Variants in TUB observed in about 807,000 individuals in gnomAD.
The protein encoded by TUB is TUB bipartite transcription factor, also known as tubby protein homolog.
TUB carries 33 observed loss-of-function variants against 59.7 expected under a neutral mutation model. The ratio of observed to expected loss-of-function variants is 0.55; its 90% confidence interval spans 0.42 to 0.74. The LOEUF is 0.74. Among genes scored for constraint, TUB ranks in the 30% least tolerant of loss-of-function variants. The pLI is 0.00. For missense variants in TUB, 659 were observed against 672.0 expected, an observed-to-expected ratio of 0.98 and a Z score of 0.21; for synonymous variants, 293 against 256.4, an observed-to-expected ratio of 1.14 and a Z score of -1.36.
At chr11:8,021,957 C>A (rs1341957133) in intron 1 of TUB, among the ~76,000 whole-genome samples, 1 of 151,816 alleles carries the variant, frequency 6.6e-6, no homozygotes, top group African/African-American at 2.4e-5. Flanking sequence ...TGCTTTCAGA[C>A]CCCTACATAA....
upstream of TUB, among the ~76,000 whole-genome samples, chr11:8,034,323 G>A (rs947445395): frequency 1.3e-5 from 2 of 152,202 alleles, no homozygotes; most frequent in African/African-American, 4.8e-5. Context: ...TCTGCTTGAA[G>A]ATTGACAATG....
chr11:8,052,938 T>C (rs1356942283), intron 2 of TUB, among the ~76,000 whole-genome samples: 2 of 152,248 alleles, frequency 1.3e-5, no homozygotes, highest in African/African-American at 4.8e-5. Context: ...CAGTTGGATA[T>C]GCAAATAATG....
intron 2 of TUB, among the ~76,000 whole-genome samples, chr11:8,060,814 A>G (rs916647542): frequency 1.3e-5 from 2 of 152,230 alleles, no homozygotes; most frequent in African/African-American, 2.4e-5. Context: ...ATCCTTGCCA[A>G]CATAGAAGCT....
chr11:8,100,259 C>A (rs565823164), intron 9 of TUB, among the ~76,000 whole-genome samples: 1 of 151,212 alleles, frequency 6.6e-6, no homozygotes, highest in Non-Finnish European at 1.5e-5. Flanking sequence ...AGTAGTTTGC[C>A]GGAGCGAGTG....
At chr11:8,056,367 C>T (rs187971810) in intron 2 of TUB, among the ~76,000 whole-genome samples, 95 of 152,052 alleles carry the variant, frequency 6.2e-4, no homozygotes, top group African/African-American at 2.0e-3. Context: ...AATGCCTGTG[C>T]GTGGGGGTGG....
chr11:8,091,193 A>G (rs895151130), intron 3 of TUB, among the ~76,000 whole-genome samples: 1 of 151,984 alleles, frequency 6.6e-6, no homozygotes, highest in African/African-American at 2.4e-5. Context: ...GCCTCGCAGT[A>G]TTTTAGGTTC....
At chr11:8,062,324 C>T (rs945408832) in intron 2 of TUB, 15 of 152,650 alleles carry the variant, frequency 9.8e-5, no homozygotes, top group Non-Finnish European at 2.1e-4. Context: ...GCAGGAGACC[C>T]TGCCACAGGA....
At chr11:8,073,789 A>G (rs1478664372) in intron 2 of TUB, among the ~76,000 whole-genome samples, 1 of 152,240 alleles carries the variant, frequency 6.6e-6, no homozygotes, top group Non-Finnish European at 1.5e-5. Flanking sequence ...CAAGTGGGCA[A>G]GAGGACTTGC....
chr11:8,048,408 G>T (rs1243179310), intron 2 of TUB, among the ~76,000 whole-genome samples: 1 of 152,106 alleles, frequency 6.6e-6, no homozygotes, highest in Non-Finnish European at 1.5e-5. Context: ...TTCTTTTTTA[G>T]ATTTTTTTAA....
Position 8,101,856 on chromosome 11 carries a change from G to GATATGGCGT in TUB, c.*237_*238insATATGGCGT. 3 of 482,860 alleles carry GATATGGCGT rather than the reference G, an allele frequency of 6.2e-6. No homozygotes were observed. Among genetic ancestry groups the GATATGGCGT allele is most frequent in the Admixed American group, 4.2e-5 (1 of 23,566 alleles). The allele number at this position is 482,860 out of a possible 1,614,324, so 29.9% of individuals were successfully genotyped here. The stretch of plus-strand genomic sequence containing the variant: ...AAGGGATGAGAATAATTCTTTCCAT[G>GATATGGCGT]CCACGAGATCAACACACACTCCCAC... On this transcript the variant is annotated 3_prime_UTR_variant, in exon 12 of 12. Coordinates refer to ENST00000299506, the MANE Select transcript of TUB (RefSeq NM_177972.3).
At chr11:8,058,424 T>C (rs1475146247) in intron 2 of TUB, among the ~76,000 whole-genome samples, 1 of 152,130 alleles carries the variant, frequency 6.6e-6, no homozygotes, top group East Asian at 1.9e-4. Context: ...ACATCACAGA[T>C]TGGCCATGGC....
At position 8,048,267 on chromosome 11, in the gene TUB, C is replaced by A. The variant is rs183695498; in HGVS notation, c.203+8575C>A. 8.5e-5 allele frequency among the ~76,000 whole-genome samples: 13 copies of A among 152,242 alleles called. 1 individual carries two copies. The East Asian group carries it at 2.5e-3, about 29-fold the overall frequency. On this transcript the variant is annotated intron_variant, in intron 2 of 12. Coordinates refer to the TUB transcript ENST00000305253. ...TGGTTAAGTAAATTGCCTGAGGTCA[C>A]ATAGTTAATAACTGGTGAGGAAAGC...
At chr11:8,033,979 C>A (rs772956861), upstream of TUB, among the ~76,000 whole-genome samples, 2 of 152,200 alleles carry the variant, frequency 1.3e-5, no homozygotes, top group African/African-American at 4.8e-5. Flanking sequence ...GGAGAATAGG[C>A]GTTTGTTTCC....
At chr11:8,099,466 A>G (rs1213143637) in intron 9 of TUB, among the ~76,000 whole-genome samples, 4 of 152,184 alleles carry the variant, frequency 2.6e-5, no homozygotes, top group Non-Finnish European at 5.9e-5. Flanking sequence ...AGTAATCCAC[A>G]GCTACTTTGT....
intron 2 of TUB, among the ~76,000 whole-genome samples, chr11:8,065,199 A>C (rs1245442103): frequency 1.3e-5 from 2 of 152,276 alleles, no homozygotes; most frequent in East Asian, 3.9e-4. Context: ...GGAAGTGTGC[A>C]TGTTGCTGGG....
rs1451765039 is a variant in TUB at position 8,095,637 on chromosome 11, G to T, written c.537G>T (p.Gln179His). The change falls in exon 5 of 12, where the codon CAG becomes CAT. Residue 179 changes from glutamine (Q) to histidine (H), a missense_variant. Around this residue, in one of 3 missense-constraint regions of TUB, gnomAD observed 321 missense variants for 304.3 expected, o/e 1.05. Transcript: ENST00000299506. ...GTGGGGGCGAACGGCCCAGCGGGCA[G>T]GATCTCCGTGCCACGATGCAGAGGA... Reference protein sequence around the residue: ...AAGGGERPSGQDLRATMQRKG... With the variant: ...AAGGGERPSGHDLRATMQRKG... The T allele has an allele frequency of 7.5e-6, 12 of 1,607,008 alleles. No individual in the cohort carries two copies. Among genetic ancestry groups the T allele is most frequent in the Non-Finnish European group, 1.0e-5 (12 of 1,177,172 alleles).
intron 2 of TUB, among the ~76,000 whole-genome samples, chr11:8,045,642 AG>A (rs1307475876): frequency 3.3e-5 from 5 of 152,256 alleles, no homozygotes; most frequent in South Asian, 4.1e-4. Flanking sequence ...TGAACCAGTA[AG>A]TATAATACAA....
intron 1 of TUB, among the ~76,000 whole-genome samples, chr11:8,083,390 G>C (rs1943607797): frequency 6.6e-6 from 1 of 152,208 alleles, no homozygotes; most frequent in Non-Finnish European, 1.5e-5. Flanking sequence ...TTCTCCCAGG[G>C]AGCCAGGGAC....
Position 8,098,849 on chromosome 11 carries a change from C to T in TUB, c.1090C>T (p.Arg364Cys), listed in dbSNP as rs1345174025. 1.7e-5 allele frequency: 27 copies of T among 1,613,926 alleles called. No homozygotes were observed. Among genetic ancestry groups the T allele is most frequent in the Non-Finnish European group, 2.2e-5 (26 of 1,179,932 alleles). Residue 364 changes from arginine to cysteine, a missense_variant, in exon 9 of 12, where the codon CGT (arginine) becomes TGT (cysteine). Transcript: ENST00000299506. ...CTCCACTTTGGAAAGTGGAACCTTA[C>T]GTCAGGAGCTGGCAGCTGTGTGCTA... ...SSSTLESGTLRQELAAVCYET... is the reference protein window; with the variant it reads ...SSSTLESGTLCQELAAVCYET...
Sources: allele counts gnomAD v4.1 joint callset (sites outside exome capture counted in the v4.1 genomes callset), GRCh38; gene constraint gnomAD v4.1.1; regional missense constraint gnomAD v4.1.1; transcripts MANE v1.5; gene names NCBI Gene and HGNC (gene_info 2026-07-23, HGNC 2026-07-21).